The following UBE3B variants were observed in gnomAD, a reference collection of about 807,000 sequenced individuals.
UBE3B encodes ubiquitin-protein ligase E3B.
In UBE3B, 80 loss-of-function variants were observed where a neutral mutation model predicts 132.3. The observed-to-expected ratio is 0.60, with a 90% CI of 0.50 to 0.73. The LOEUF (loss-of-function observed/expected upper bound fraction) is 0.73. UBE3B is among the 30% of genes least tolerant of loss of function. The probability of loss-of-function intolerance (pLI) is 0.00; values close to 1 mark genes in which losing one functional copy is unlikely to be tolerated. For missense variants in UBE3B, 1,196 were observed against 1,362.5 expected (o/e 0.88, Z 1.92); for synonymous variants, 487 against 520.4 (o/e 0.94, Z 0.87).
rs116505855 is a variant in UBE3B, at chr12:109,495,472, A to G, written c.714-2346A>G. Among the ~76,000 whole-genome samples the G allele has an allele frequency of 5.4e-3, 817 of 152,338 alleles. 4 individuals are homozygous for G. The highest frequency in any genetic ancestry group is 0.018 in the African/African-American group (756 of 41,570). On this transcript the variant is annotated intron_variant, in intron 9 of 27. Coordinates refer to ENST00000342494, the MANE Select transcript of UBE3B (RefSeq NM_130466.4). ...TTTAGTATGTTCACAGAGTTGTGCAACCATCACCTGCTGAGACCAGCTTGG... is the reference window on the plus strand; with the variant it reads ...TTTAGTATGTTCACAGAGTTGTGCAGCCATCACCTGCTGAGACCAGCTTGG...
chr12:109,526,492 AT>A, intron 24 of UBE3B, 76 bp downstream of exon 24: 1 of 1,427,146 alleles, frequency 7.0e-7, no homozygotes, highest in Non-Finnish European at 9.8e-7. Context: ...TATGTTGAGA[AT>A]TTATTAAGAT....
rs1266670907 is a variant in UBE3B, at chr12:109,497,936, T to C, written c.819+13T>C. ...AGTGACCCCTGAGGTAAGCAGGCTC[T>C]GTGAGTTCCCCGTGAAAACCCAATT... On this transcript the variant is annotated intron_variant, in intron 10 of 27. Coordinates refer to ENST00000342494, the MANE Select transcript of UBE3B (RefSeq NM_130466.4). The C allele has an allele frequency of 2.5e-6, 4 of 1,613,158 alleles. No homozygotes were observed. The highest frequency in any genetic ancestry group is 3.4e-6 in the Non-Finnish European group (4 of 1,179,192).
downstream of UBE3B, among the ~76,000 whole-genome samples, chr12:109,539,010 C>T (rs1300939978): frequency 6.6e-6 from 1 of 152,132 alleles, no homozygotes; most frequent in Non-Finnish European, 1.5e-5. Context: ...CTGAGGCGGG[C>T]AGATCCCCTG....
intron 12 of UBE3B, 70 bp from the exon 13 acceptor site, chr12:109,501,301 A>G (rs547526124): frequency 1.9e-6 from 3 of 1,588,142 alleles, no homozygotes; most frequent in Admixed American, 1.7e-5. Flanking sequence ...GCCATTAGGA[A>G]CTGTGTGGGC....
intron 14 of UBE3B, among the ~76,000 whole-genome samples, chr12:109,505,274 C>T (rs544897060): frequency 6.6e-6 from 1 of 152,302 alleles, no homozygotes; most frequent in Non-Finnish European, 1.5e-5. Context: ...TGTTTGTGCT[C>T]CTCACACACA....
At chr12:109,520,996 CA>C (rs1881641385) in intron 19 of UBE3B, 151 bp from the exon 20 acceptor site, 2 of 771,044 alleles carry the variant, frequency 2.6e-6, no homozygotes, top group East Asian at 5.4e-5. Flanking sequence ...CATTCAAAAG[CA>C]GGTGAGAACG....
chr12:109,541,109 G>A (rs558747324), downstream of UBE3B, among the ~76,000 whole-genome samples: 23 of 152,366 alleles, frequency 1.5e-4, no homozygotes, highest in South Asian at 4.8e-3. Flanking sequence ...GCATCCCTCA[G>A]ACCATGTTCC....
rs751551547 is a variant in UBE3B at position 109,524,044 on chromosome 12, G to A, written c.2431G>A (p.Val811Ile). The A allele has an allele frequency of 1.4e-5, 22 of 1,614,048 alleles. No individual in the cohort carries two copies. Among genetic ancestry groups the A allele is most frequent in the Admixed American group, 8.3e-5 (5 of 60,000 alleles). Residue 811 changes from valine (V) to isoleucine (I), a missense_variant, in exon 22 of 28, where the codon GTC (valine) becomes ATC (isoleucine). Transcript: ENST00000342494. ...CCAACTGCTTGGGCACCACCACAGC[G>A]TCTTCTATAGCTCGGTGGATGAACT... is the stretch of plus-strand genomic sequence containing the variant. ...LSQLLGHHHS[V>I]FYSSVDELPS...
Position 109,521,393 on chromosome 12 carries a change from C to A in UBE3B, c.2254-48C>A. ...AAGAAGTGAAGAGCTGGGCTTGCTC[C>A]TTGCAAGGCACTTGACCTCTGCCTC... On this transcript the variant is annotated intron_variant, in intron 20 of 27. Coordinates refer to ENST00000342494, the MANE Select transcript of UBE3B (RefSeq NM_130466.4). The surrounding 1 kb of genome is among the most constrained non-coding windows in gnomAD (Gnocchi z 4.2). 1 of 1,595,062 alleles carries A rather than the reference C, an allele frequency of 6.3e-7. No homozygotes were observed. The highest frequency in any genetic ancestry group is 8.6e-7 in the Non-Finnish European group (1 of 1,165,882).
intron 8 of UBE3B, chr12:109,490,604 C>G (rs1420553532): frequency 2.9e-5 from 45 of 1,535,248 alleles, no homozygotes; most frequent in Non-Finnish European, 3.8e-5. Context: ...GAGGAACCTT[C>G]TACTTCATAC....
In UBE3B at chr12:109,521,150, C is replaced by T. The variant is rs61744991; in HGVS notation, c.2079C>T (p.Asp693=). 4.4e-4 allele frequency: 717 copies of T among 1,613,974 alleles called. 2 individuals are homozygous for T. In the African/African-American group the frequency reaches 7.8e-3, roughly 17 times the overall value. ...GGCTGTAATTCTGCTCTTGGCAGGA[C>T]GGCTACGAGCAGCTTAGGCAGCTCT... ...ITIRRSRMLE[D]GYEQLRQLSQ... The change falls in exon 20 of 28, where the codon GAC becomes GAT. Residue 693 remains aspartate, a splice_region_variant and synonymous_variant. Transcript: ENST00000342494. The surrounding 1 kb of genome is among the most constrained non-coding windows in gnomAD (Gnocchi z 4.2).
At chr12:109,528,114 C>G (rs1882555671) in intron 24 of UBE3B, among the ~76,000 whole-genome samples, 1 of 152,222 alleles carries the variant, frequency 6.6e-6, no homozygotes, top group Non-Finnish European at 1.5e-5. Flanking sequence ...AGATTCTTAG[C>G]ATTTATAGCA....
At chr12:109,529,690 T>A (rs900919783) in intron 24 of UBE3B, among the ~76,000 whole-genome samples, 200 bp from the exon 25 acceptor site, 4 of 152,218 alleles carry the variant, frequency 2.6e-5, no homozygotes, top group African/African-American at 9.6e-5. Flanking sequence ...AGGCTTGATG[T>A]GCACACAGTG....
chr12:109,483,789 A>C, intron 3 of UBE3B, 72 bp from the exon 4 acceptor site: 1 of 1,587,394 alleles, frequency 6.3e-7, no homozygotes, highest in Admixed American at 1.8e-5. Flanking sequence ...TTTCTCATAA[A>C]GTGCTTGAAA....
rs1001694722 is a variant in UBE3B, at chr12:109,535,680, C to A, written c.*898C>A. 1.3e-5 allele frequency: 2 copies of A among 152,232 alleles called. No individual in the cohort carries two copies. The highest frequency in any genetic ancestry group is 4.8e-5 in the African/African-American group (2 of 41,462). 9.4% of individuals were successfully genotyped at this position (152,232 alleles called of 1,614,324 possible). On this transcript the variant is annotated 3_prime_UTR_variant, in exon 28 of 28. Transcript: ENST00000342494. ...CAAACACTAACCTAAGGTACACATC[C>A]CATCTGGGCGGTGGCTTCACTCCTG...
chr12:109,530,193 C>T, intron 25 of UBE3B, 121 bp downstream of exon 25: 1 of 1,173,598 alleles, frequency 8.5e-7, no homozygotes, highest in South Asian at 1.5e-5. Context: ...CCTTCTCCTC[C>T]CTGGACTGGC....
At chr12:109,529,825 C>T in intron 24 of UBE3B, 65 bp from the exon 25 acceptor site, 1 of 1,573,618 alleles carries the variant, frequency 6.4e-7, no homozygotes, top group Non-Finnish European at 8.7e-7. Flanking sequence ...TGTCTTTCAG[C>T]CCATTGGTGA....
chr12:109,486,089 G>A lies in UBE3B; in HGVS notation c.342+18G>A, dbSNP rs917779451. ...AGCCTAAGGTAAGTGGACGGGAGCC[G>A]CAGTGTCTCCCACAAGCTCTTAAGG... On this transcript the variant is annotated intron_variant, in intron 5 of 27. Coordinates refer to ENST00000342494, the MANE Select transcript of UBE3B (RefSeq NM_130466.4). 16 of 1,556,102 alleles carry A rather than the reference G, an allele frequency of 1.0e-5. No homozygotes were observed. Among genetic ancestry groups the A allele is most frequent in the African/African-American group, 5.5e-5 (4 of 73,304 alleles).
intron 16 of UBE3B, 50 bp from the exon 17 acceptor site, chr12:109,510,294 C>T (rs376885266): frequency 4.8e-6 from 7 of 1,448,362 alleles, no homozygotes; most frequent in Admixed American, 2.0e-5. Context: ...CCTCCCCTTG[C>T]TCTCTGGCTC....
Sources: gnomAD v4.1 joint callset for allele counts (sites outside exome capture counted in the v4.1 genomes callset) on GRCh38, gnomAD v4.1.1 for gene constraint, Gnocchi (gnomAD v3.1) non-coding constraint, MANE v1.5 for transcripts, NCBI Gene and HGNC (gene_info 2026-07-23, HGNC 2026-07-21) for gene names.